Variants in UBE2E2 observed in about 807,000 individuals in gnomAD.
The protein encoded by UBE2E2 is ubiquitin conjugating enzyme E2 E2.
UBE2E2 carries 6 observed loss-of-function variants against 24.7 expected under a neutral mutation model. The ratio of observed to expected loss-of-function variants is 0.24; its 90% CI spans 0.13 to 0.48. UBE2E2 has a LOEUF of 0.48. Ranked by LOEUF, UBE2E2 falls within the 20% of genes least tolerant of loss-of-function variation. UBE2E2 has a pLI of 0.99. For synonymous variants in UBE2E2, 104 were observed against 83.6 expected (o/e 1.24, Z -1.33); for missense variants, 169 against 245.0 (o/e 0.69, Z 2.07).
chr3:23,549,128 G>T (rs565608051), intron 5 of UBE2E2, among the ~76,000 whole-genome samples: 17 of 152,308 alleles, frequency 1.1e-4, no homozygotes, highest in African/African-American at 3.4e-4. Context: ...TTTGTAAGCA[G>T]CACTGCCAAA....
intron 3 of UBE2E2, among the ~76,000 whole-genome samples, chr3:23,311,252 T>C (rs1172488413): frequency 6.6e-6 from 1 of 152,238 alleles, no homozygotes; most frequent in East Asian, 1.9e-4. Context: ...TAATCCAGTC[T>C]ATCATTGATG....
chr3:23,439,617 C>T (rs1284774700), intron 3 of UBE2E2, among the ~76,000 whole-genome samples: 1 of 152,214 alleles, frequency 6.6e-6, no homozygotes, highest in Non-Finnish European at 1.5e-5. Flanking sequence ...AATGAACTTT[C>T]TCCAGCTTGT....
chr3:23,506,540 A>G (rs1426300927), intron 4 of UBE2E2, among the ~76,000 whole-genome samples: 1 of 151,550 alleles, frequency 6.6e-6, no homozygotes, highest in Non-Finnish European at 1.5e-5. Flanking sequence ...TTCCCTAGAA[A>G]CTCTTTGGCG....
intron 3 of UBE2E2, among the ~76,000 whole-genome samples, chr3:23,375,153 G>C (rs1246011005): frequency 6.6e-6 from 1 of 152,092 alleles, no homozygotes; most frequent in Non-Finnish European, 1.5e-5. Flanking sequence ...ATGTACTAGA[G>C]AAATGTGCAG....
intron 3 of UBE2E2, among the ~76,000 whole-genome samples, chr3:23,313,819 GTCTTC>G (rs1694490407): frequency 6.6e-6 from 1 of 151,896 alleles, no homozygotes; most frequent in Admixed American, 6.6e-5. Context: ...TTGTTTTGTG[GTCTTC>G]TCTTCCTTCT....
At chr3:23,236,347 A>G (rs17401815) in intron 3 of UBE2E2, among the ~76,000 whole-genome samples, 7,259 of 152,236 alleles carry the variant, frequency 0.048, 271 homozygotes, top group Non-Finnish European at 0.072. Context: ...AAGATTATTC[A>G]TATTACCTAC....
intron 5 of UBE2E2, among the ~76,000 whole-genome samples, chr3:23,584,852 A>G (rs1389256131): frequency 6.6e-6 from 1 of 150,450 alleles, no homozygotes; most frequent in Non-Finnish European, 1.5e-5. Flanking sequence ...GATTACAGGC[A>G]TGAGCCGCTG....
intron 3 of UBE2E2, among the ~76,000 whole-genome samples, chr3:23,315,303 AT>A (rs71051213): frequency 0.61 from 80,786 of 132,846 alleles, 23,610 homozygotes; most frequent in East Asian, 0.77. Flanking sequence ...GGTGTGCTTC[AT>A]TTTTTTTTTT....
chr3:23,273,593 C>T (rs1056261251), intron 3 of UBE2E2, among the ~76,000 whole-genome samples: 2 of 151,554 alleles, frequency 1.3e-5, no homozygotes, highest in East Asian at 3.9e-4. Context: ...TGTTATAACA[C>T]TGATGAGAAA....
At chr3:23,216,063 GGA>G (rs1575476235) in intron 2 of UBE2E2, among the ~76,000 whole-genome samples, 1 of 152,118 alleles carries the variant, frequency 6.6e-6, no homozygotes, top group Non-Finnish European at 1.5e-5. Context: ...TGAGGCACAG[GGA>G]GAGAGAGCAA....
At chr3:23,285,085 A>G (rs1207267608) in intron 3 of UBE2E2, among the ~76,000 whole-genome samples, 2 of 151,856 alleles carry the variant, frequency 1.3e-5, no homozygotes, top group South Asian at 2.1e-4. Context: ...TATGAACTCA[A>G]TTGTTTAATT....
chr3:23,208,592 A>T, intron 1 of UBE2E2, 100 bp from the exon 2 acceptor site: 1 of 936,110 alleles, frequency 1.1e-6, no homozygotes, highest in Non-Finnish European at 1.5e-6. Flanking sequence ...TCCATTTTAT[A>T]TTGAGATTTA....
chr3:23,363,737 T>G (rs1575587539), intron 3 of UBE2E2, among the ~76,000 whole-genome samples: 1 of 152,046 alleles, frequency 6.6e-6, no homozygotes, highest in Non-Finnish European at 1.5e-5. Flanking sequence ...TAGAAGATCA[T>G]GGGGCAGAAA....
chr3:23,401,590 TCTC>T (rs1253152963), intron 3 of UBE2E2, among the ~76,000 whole-genome samples: 1 of 152,150 alleles, frequency 6.6e-6, no homozygotes, highest in East Asian at 1.9e-4. Context: ...GTTCTAACTT[TCTC>T]CTCCTGTCCC....
At chr3:23,351,139 C>T (rs1041153838) in intron 3 of UBE2E2, among the ~76,000 whole-genome samples, 1 of 152,098 alleles carries the variant, frequency 6.6e-6, no homozygotes, top group Non-Finnish European at 1.5e-5. Context: ...CCAAACTAAG[C>T]TTCATAAGTG....
intron 3 of UBE2E2, among the ~76,000 whole-genome samples, chr3:23,251,024 T>TA (rs978306423): frequency 6.6e-6 from 1 of 152,076 alleles, no homozygotes; most frequent in Non-Finnish European, 1.5e-5. Context: ...TGCTTCTAAT[T>TA]AAAAAAAGAT....
At chr3:23,458,575 G>A (rs1033390697) in intron 3 of UBE2E2, among the ~76,000 whole-genome samples, 46 of 152,120 alleles carry the variant, frequency 3.0e-4, no homozygotes, top group African/African-American at 8.2e-4. Context: ...CCATCACCAC[G>A]CTGGGCTAAT....
At chr3:23,353,084 G>A (rs974955184) in intron 3 of UBE2E2, among the ~76,000 whole-genome samples, 1 of 152,250 alleles carries the variant, frequency 6.6e-6, no homozygotes, top group South Asian at 2.1e-4. Context: ...TTCAAGATAT[G>A]CAAATCAATA....
chr3:23,417,686 G>A (rs1043103805), intron 3 of UBE2E2, among the ~76,000 whole-genome samples: 5 of 152,200 alleles, frequency 3.3e-5, no homozygotes, highest in Non-Finnish European at 7.3e-5. Context: ...CTCTGTCCCA[G>A]GGAGATGGGG....
Sources: gnomAD v4.1 joint callset for allele counts (sites outside exome capture counted in the v4.1 genomes callset) on GRCh38, gnomAD v4.1.1 for gene constraint, MANE v1.5 for transcripts, NCBI Gene and HGNC (gene_info 2026-07-23, HGNC 2026-07-21) for gene names.